Variants in GRIN2D observed in about 807,000 individuals in gnomAD.
The protein encoded by GRIN2D is glutamate ionotropic receptor NMDA type subunit 2D.
In GRIN2D, 37 loss-of-function variants were observed where a neutral mutation model predicts 103.2. The observed-to-expected ratio is 0.36, with a 90% CI of 0.28 to 0.47. The LOEUF is 0.47. Ranked by LOEUF, GRIN2D falls within the 20% of genes least tolerant of loss-of-function variation. The probability of loss-of-function intolerance (pLI) is 1.00; values close to 1 mark genes in which losing one functional copy is unlikely to be tolerated. For missense variants in GRIN2D, 1,557 were observed against 1,910.6 expected (o/e 0.81, Z 3.45); for synonymous variants, 845 against 885.6 (o/e 0.95, Z 0.81).
chr19:48,438,452 CCACGT>C (rs1971257240), intron 11 of GRIN2D, among the ~76,000 whole-genome samples: 1 of 151,690 alleles, frequency 6.6e-6, no homozygotes, highest in South Asian at 2.1e-4. Context: ...ATGCCTGCCA[CCACGT>C]CTGGCTAATT....
At chr19:48,434,624 T>C (rs1971206185) in intron 11 of GRIN2D, among the ~76,000 whole-genome samples, 1 of 151,788 alleles carries the variant, frequency 6.6e-6, no homozygotes, top group African/African-American at 2.4e-5. Flanking sequence ...TTTTTACAGA[T>C]GGTCTCACTA....
At chr19:48,411,331 A>ATAC (rs927046406) in intron 4 of GRIN2D, among the ~76,000 whole-genome samples, 1 of 52,208 alleles carries the variant, frequency 1.9e-5, no homozygotes, top group Non-Finnish European at 3.8e-5. Flanking sequence ...TCTCAAAATA[A>ATAC]TAATAATAAT....
In GRIN2D at chr19:48,419,205, G is replaced by T. The variant is rs368498499; in HGVS notation, c.1736-29G>T. On this transcript the variant is annotated intron_variant, in intron 8 of 13. Coordinates refer to ENST00000263269, the MANE Select transcript of GRIN2D (RefSeq NM_000836.4). ...ATCCCCGAGTCTTTTGCTTGGCTGAGCCATAACCACGCACTCCCTTGTCCC... is the reference window on the plus strand; with the variant it reads ...ATCCCCGAGTCTTTTGCTTGGCTGATCCATAACCACGCACTCCCTTGTCCC... The T allele has an allele frequency of 6.9e-6, 11 of 1,591,352 alleles. No homozygotes were observed. The African/African-American group carries it at 1.2e-4, about 18-fold the overall frequency.
chr19:48,443,418 G>T lies in GRIN2D; in HGVS notation c.3492G>T (p.Gly1164=). ...SVDKLGGWRA[G]SWDYLPPRSG... ...ACAAGCTCGGGGGCTGGCGCGCCGG[G>T]AGCTGGGACTACCTGCCCCCGCGCA... Residue 1164 remains glycine (G), a synonymous_variant, in exon 14 of 14, where the codon GGG becomes GGT. Transcript: ENST00000263269. The surrounding 1 kb of genome is among the most constrained non-coding windows in gnomAD (Gnocchi z 8.9). 1 of 1,403,678 alleles carries T rather than the reference G, an allele frequency of 7.1e-7. No homozygotes were observed. The highest frequency in any genetic ancestry group is 9.2e-7 in the Non-Finnish European group (1 of 1,082,530). 87.0% of individuals were successfully genotyped at this position (1,403,678 alleles called of 1,614,324 possible).
chr19:48,413,661 CAAAAAAA>C (rs11368422), intron 4 of GRIN2D, among the ~76,000 whole-genome samples: 1 of 57,302 alleles, frequency 1.7e-5, no homozygotes, highest in South Asian at 7.7e-4. Context: ...GACTCTGTCT[CAAAAAAA>C]AAAAAAAAAA....
intron 2 of GRIN2D, among the ~76,000 whole-genome samples, chr19:48,396,481 A>G (rs887148776): frequency 6.6e-6 from 1 of 151,370 alleles, no homozygotes; most frequent in Non-Finnish European, 1.5e-5. Context: ...GTGAGCAGCC[A>G]CTGGGAATGG....
intron 11 of GRIN2D, among the ~76,000 whole-genome samples, chr19:48,439,772 C>G (rs1338549458): frequency 6.6e-6 from 1 of 152,222 alleles, no homozygotes; most frequent in Non-Finnish European, 1.5e-5. Flanking sequence ...GGAGAAACCC[C>G]ATCTCCACTA....
intron 7 of GRIN2D, among the ~76,000 whole-genome samples, chr19:48,415,397 C>A (rs926900270): frequency 6.7e-6 from 1 of 149,494 alleles, no homozygotes; most frequent in South Asian, 2.1e-4. Context: ...AAAAAGAGGT[C>A]GGCACCCTGG....
rs1353875898 is a variant in GRIN2D at position 48,443,831 on chromosome 19, A to T, written c.3905A>T (p.His1302Leu). The T allele has an allele frequency of 2.7e-6, 4 of 1,483,710 alleles. No individual in the cohort carries two copies. The highest frequency in any genetic ancestry group is 2.4e-4 in the Middle Eastern group (1 of 4,226). The allele number at this position is 1,483,710 out of a possible 1,614,324, so 91.9% of individuals were successfully genotyped here. Residue 1302 changes from histidine (H) to leucine (L), a missense_variant, in exon 14 of 14, where the codon CAC becomes CTC. By Grantham distance (99) the His-to-Leu change is moderately conservative. Transcript: ENST00000263269. The surrounding 1 kb of genome is among the most constrained non-coding windows in gnomAD (Gnocchi z 8.9). ...RHARRCPHAA[H>L]WGPPLPTASH... ...GCTCGCAGGTGTCCGCACGCCGCGCACTGGGGGCCGCCGCTGCCCACAGCT... is the reference window on the plus strand; with the variant it reads ...GCTCGCAGGTGTCCGCACGCCGCGCTCTGGGGGCCGCCGCTGCCCACAGCT...
chr19:48,438,283 C>T (rs1971253667), intron 11 of GRIN2D, among the ~76,000 whole-genome samples: 1 of 111,818 alleles, frequency 8.9e-6, no homozygotes, highest in Non-Finnish European at 1.9e-5. Flanking sequence ...CAGCATCCAG[C>T]CGCCTTTTTT....
chr19:48,432,760 G>C (rs913575005), intron 11 of GRIN2D, among the ~76,000 whole-genome samples: 19 of 151,046 alleles, frequency 1.3e-4, no homozygotes, highest in African/African-American at 4.6e-4. Context: ...TGCCTGGCCA[G>C]AAACTGGACT....
rs1434917717 is a variant in GRIN2D at position 48,414,563 on chromosome 19, G to A, written c.1391G>A (p.Ser464Asn). The change falls in exon 6 of 14, where the codon AGC becomes AAC. Residue 464 changes from serine to asparagine, a missense_variant. By Grantham distance (46) the Ser-to-Asn change is conservative. This residue lies in a region of GRIN2D where 197 missense variants were observed against 334.1 expected (regional missense o/e 0.59). Coordinates refer to ENST00000263269, the MANE Select transcript of GRIN2D (RefSeq NM_000836.4). The surrounding 1 kb of genome is among the most constrained non-coding windows in gnomAD (Gnocchi z 4.6). ...ATCCGAGACTCCGTCCCCTGCCGGA[G>A]CCAGCTCAACCGAACCCACAGGTGA... is the stretch of plus-strand genomic sequence containing the variant. ...TCIRDSVPCR[S>N]QLNRTHSPPP... The A allele has an allele frequency of 6.4e-7, 1 of 1,552,268 alleles. No individual in the cohort carries two copies. Among genetic ancestry groups the A allele is most frequent in the East Asian group, 2.4e-5 (1 of 41,052 alleles).
Position 48,443,190 on chromosome 19 carries a change from A to G in GRIN2D, c.3264A>G (p.Gly1088=), listed in dbSNP as rs1971327868. 8.9e-7 allele frequency: 1 copy of G among 1,119,888 alleles called. No homozygotes were observed. Among genetic ancestry groups the G allele is most frequent in the Non-Finnish European group, 1.1e-6 (1 of 909,692 alleles). The allele number at this position is 1,119,888 out of a possible 1,614,324, so 69.4% of individuals were successfully genotyped here. The change falls in exon 14 of 14, where the codon GGA becomes GGG. Residue 1088 remains glycine, a synonymous_variant. Transcript: ENST00000263269. The surrounding 1 kb of genome is among the most constrained non-coding windows in gnomAD (Gnocchi z 8.9). The part of the protein sequence containing the change: ...GAGGTGGAGG[G]APAAPPPCRA... ...GGGGCACGGGGGGCGCAGGCGGAGG[A>G]GCCCCGGCCGCTCCGCCCCCGTGCC... is the stretch of plus-strand genomic sequence containing the variant.
chr19:48,435,825 G>A (rs1037459289), intron 11 of GRIN2D, among the ~76,000 whole-genome samples: 2 of 152,246 alleles, frequency 1.3e-5, no homozygotes, highest in African/African-American at 2.4e-5. Flanking sequence ...TGAATCAGAC[G>A]GGCAAAGTCC....
chr19:48,436,190 G>A (rs568962433), intron 11 of GRIN2D, among the ~76,000 whole-genome samples: 2 of 152,200 alleles, frequency 1.3e-5, no homozygotes, highest in Non-Finnish European at 2.9e-5. Context: ...ACATCAGTCT[G>A]CCTGAGCATT....
chr19:48,432,948 GC>G (rs1399291188), intron 11 of GRIN2D, among the ~76,000 whole-genome samples: 1 of 150,344 alleles, frequency 6.7e-6, no homozygotes, highest in Non-Finnish European at 1.5e-5. Flanking sequence ...CCGCAACCAT[GC>G]CCAGCTAATT....
Position 48,414,641 on chromosome 19 carries a change from G to A in GRIN2D, c.1412+57G>A. 6.7e-7 allele frequency: 1 copy of A among 1,485,644 alleles called. No homozygotes were observed. The highest frequency in any genetic ancestry group is 9.2e-7 in the Non-Finnish European group (1 of 1,090,862). 92.0% of individuals were successfully genotyped at this position (1,485,644 alleles called of 1,614,324 possible). A position where few individuals can be genotyped will look rare whatever the true frequency, so the allele number is the denominator to read the frequency against. On this transcript the variant is annotated intron_variant, in intron 6 of 13. Transcript: ENST00000263269. This position sits in a 1 kb window ranked among gnomAD's most constrained non-coding sequence, Gnocchi z 4.6. ...CAAAACCCGCCTCCCGTGAAGCCCA[G>A]TAGTCTGGGCCCCCAGCCCCCTCCT...
chr19:48,443,662 GC>G lies in GRIN2D; in HGVS notation c.3738del (p.Ala1247ArgfsTer271). On this transcript the variant is annotated frameshift_variant, in exon 14 of 14. Transcript: ENST00000263269. LOFTEE classifies it high-confidence loss of function. This position sits in a 1 kb window ranked among gnomAD's most constrained non-coding sequence, Gnocchi z 8.9. ...PRASHRTPAAAAPHHHRHRRA... is the reference protein window; with the variant it reads ...PRASHRTPAAXAPHHHRHRRA... ...GGCCTCGCACCGCACGCCCGCCGCC[GC>G]CGCGCCCCACCACCACAGGCACCGG... The G allele has an allele frequency of 8.6e-7, 1 of 1,165,420 alleles. No individual in the cohort carries two copies. Among genetic ancestry groups the G allele is most frequent in the South Asian group, 3.5e-5 (1 of 28,682 alleles). The allele number at this position is 1,165,420 out of a possible 1,614,324, so 72.2% of individuals were successfully genotyped here.
At position 48,414,088 on chromosome 19, in the gene GRIN2D, G is replaced by A. The variant is rs1291533408; in HGVS notation, c.1183G>A (p.Asp395Asn). The change falls in exon 5 of 14, where the codon GAC (aspartate) becomes AAC (asparagine). Residue 395 changes from aspartate (D) to asparagine (N), a missense_variant. Transcript: ENST00000263269. The surrounding 1 kb of genome is among the most constrained non-coding windows in gnomAD (Gnocchi z 4.6). ...CCTGGTGGTCATCTCCCTCACCAGA[G>A]ACAGGACGTGGGAGGTGGTGAGTCG... is the stretch of plus-strand genomic sequence containing the variant. ...PSLVVISLTR[D>N]RTWEVVGSWE... The A allele has an allele frequency of 1.2e-5, 20 of 1,602,256 alleles. No individual in the cohort carries two copies. Among genetic ancestry groups the A allele is most frequent in the Non-Finnish European group, 1.6e-5 (19 of 1,169,290 alleles).
Sources: gnomAD v4.1 joint callset for allele counts (sites outside exome capture counted in the v4.1 genomes callset) on GRCh38, gnomAD v4.1.1 for gene constraint, gnomAD v4.1.1 regional missense constraint, Gnocchi (gnomAD v3.1) non-coding constraint, MANE v1.5 for transcripts, NCBI Gene and HGNC (gene_info 2026-07-23, HGNC 2026-07-21) for gene names.